The following PPFIA1 variants were observed in gnomAD, a reference collection of about 807,000 sequenced individuals.
PPFIA1 encodes liprin-alpha-1.
In PPFIA1, 25 loss-of-function variants were observed where a neutral mutation model predicts 149.9. The ratio of observed to expected loss-of-function variants is 0.17; its 90% CI spans 0.12 to 0.23. PPFIA1 has a LOEUF of 0.23. Ranked by LOEUF, PPFIA1 falls within the 10% of genes least tolerant of loss-of-function variation. The pLI, the probability that PPFIA1 is intolerant of heterozygous loss-of-function variation, is 1.00. For missense variants in PPFIA1, 1,362 were observed against 1,506.5 expected, an observed-to-expected ratio of 0.90 and a Z score of 1.59; for synonymous variants, 549 against 552.8, an observed-to-expected ratio of 0.99 and a Z score of 0.10.
intron 26 of PPFIA1, among the ~76,000 whole-genome samples, chr11:70,381,633 C>T (rs554986628): frequency 2.6e-5 from 4 of 152,302 alleles, no homozygotes; most frequent in Admixed American, 6.5e-5. Context: ...TTGTACCCGA[C>T]GTCGTTGGCC....
intron 19 of PPFIA1, among the ~76,000 whole-genome samples, chr11:70,358,033 T>C (rs903928813): frequency 2.0e-5 from 3 of 152,216 alleles, no homozygotes; most frequent in Non-Finnish European, 4.4e-5. Flanking sequence ...ATAGTAAGTA[T>C]GAGGAAGTGA....
chr11:70,353,750 T>C (rs1415874409), intron 16 of PPFIA1, among the ~76,000 whole-genome samples: 1 of 152,240 alleles, frequency 6.6e-6, no homozygotes, highest in African/African-American at 2.4e-5. Flanking sequence ...ATATGAGCCA[T>C]ACACATGTGT....
At chr11:70,343,915 C>T (rs2055513174) in intron 15 of PPFIA1, 23 bp downstream of exon 15, 2 of 1,590,946 alleles carry the variant, frequency 1.3e-6, no homozygotes, top group East Asian at 2.3e-5. Flanking sequence ...GTGCATGACA[C>T]TCACCACACG....
intron 4 of PPFIA1, 136 bp downstream of exon 4, chr11:70,325,147 T>C: frequency 2.3e-6 from 2 of 879,654 alleles, no homozygotes; most frequent in Non-Finnish European, 3.3e-6. Flanking sequence ...CAGGGTTTTG[T>C]AGGTTTAAAA....
intron 2 of PPFIA1, among the ~76,000 whole-genome samples, chr11:70,316,034 A>G (rs1445542995): frequency 6.6e-6 from 1 of 151,958 alleles, no homozygotes; most frequent in African/African-American, 2.4e-5. Flanking sequence ...AGGTTCACCC[A>G]TATTGTATTA....
At chr11:70,313,898 G>C (rs2053439104) in intron 2 of PPFIA1, among the ~76,000 whole-genome samples, 1 of 152,130 alleles carries the variant, frequency 6.6e-6, no homozygotes, top group African/African-American at 2.4e-5. Context: ...CATGCCTGTG[G>C]TCCCAGATAC....
intron 2 of PPFIA1, chr11:70,320,206 T>TTC (rs2053854615): frequency 6.6e-6 from 1 of 152,220 alleles, no homozygotes. Flanking sequence ...AAGGTACAAT[T>TTC]TAAGTAGAGA....
intron 2 of PPFIA1, among the ~76,000 whole-genome samples, chr11:70,301,396 T>C (rs1052918709): frequency 1.3e-5 from 2 of 152,178 alleles, no homozygotes; most frequent in Non-Finnish European, 2.9e-5. Context: ...AACATCTGCA[T>C]TGGGCTGCGA....
At position 70,343,901 on chromosome 11, in the gene PPFIA1, A is replaced by T; in HGVS notation, c.1931+9A>T. The stretch of plus-strand genomic sequence containing the variant: ...ATCAACAAAGAGATCAGGTGTGTGC[A>T]ACCGTGCATGACACTCACCACACGC... On this transcript the variant is annotated intron_variant, in intron 15 of 27. Coordinates refer to ENST00000253925, the MANE Select transcript of PPFIA1 (RefSeq NM_003626.5). 1 of 1,609,144 alleles carries T rather than the reference A, an allele frequency of 6.2e-7. No individual in the cohort carries two copies. The highest frequency in any genetic ancestry group is 1.3e-5 in the African/African-American group (1 of 74,958).
rs565988143 is a variant in PPFIA1, at chr11:70,336,186, C to T, written c.1428+492C>T. 9.2e-5 allele frequency among the ~76,000 whole-genome samples: 14 copies of T among 152,256 alleles called. No individual in the cohort carries two copies. In the South Asian group the frequency reaches 2.3e-3, roughly 25 times the overall value. ...GATCATTTTTTGGGCCCAACCCTCA[C>T]CCCTTTATTATTCATGCATTGGAAG... On this transcript the variant is annotated intron_variant, in intron 11 of 27. Transcript: ENST00000253925.
At chr11:70,374,669 C>T (rs2057409768) in intron 23 of PPFIA1, 1 of 423,414 alleles carries the variant, frequency 2.4e-6, no homozygotes, top group Admixed American at 4.6e-5. Flanking sequence ...GAAATAATAA[C>T]TTCATTCCTC....
chr11:70,293,928 T>TTC (rs770715230), intron 2 of PPFIA1, among the ~76,000 whole-genome samples: 5 of 148,016 alleles, frequency 3.4e-5, no homozygotes, highest in African/African-American at 7.6e-5. Flanking sequence ...TCCTGCACAG[T>TTC]TCTCTCTCTC....
At chr11:70,315,678 G>GTTTTTTTTTTT (rs71049904) in intron 2 of PPFIA1, among the ~76,000 whole-genome samples, 115 of 73,012 alleles carry the variant, frequency 1.6e-3, no homozygotes, top group South Asian at 1.8e-3. Context: ...CTTTTTTTCT[G>GTTTTTTTTTTT]TTTTTTTTTT....
intron 24 of PPFIA1, among the ~76,000 whole-genome samples, chr11:70,375,912 C>G (rs775227363): frequency 2.0e-5 from 3 of 151,624 alleles, no homozygotes; most frequent in Non-Finnish European, 2.9e-5. Flanking sequence ...TGCAAAAGCC[C>G]ATCCATTGAC....
At chr11:70,280,557 G>A (rs553196655) in intron 2 of PPFIA1, among the ~76,000 whole-genome samples, 2 of 152,212 alleles carry the variant, frequency 1.3e-5, no homozygotes, top group Admixed American at 6.5e-5. Context: ...TGGCAAGAGC[G>A]AAACTCCGTC....
In PPFIA1 at chr11:70,383,333, T is replaced by C; in HGVS notation, c.*343T>C. ...AAATGAATGTACTGTAATGCTTGTA[T>C]GTATAAATCCTATGAATAGAGGGCT... On this transcript the variant is annotated 3_prime_UTR_variant, in exon 28 of 28. Coordinates refer to ENST00000253925, the MANE Select transcript of PPFIA1 (RefSeq NM_003626.5). The C allele has an allele frequency of 4.6e-6, 1 of 217,062 alleles. No homozygotes were observed. The highest frequency in any genetic ancestry group is 9.1e-6 in the Non-Finnish European group (1 of 110,142). The allele number at this position is 217,062 out of a possible 1,614,324, so 13.4% of individuals were successfully genotyped here. A position where few individuals can be genotyped will look rare whatever the true frequency, so the allele number is the denominator to read the frequency against.
chr11:70,344,758 G>C (rs2055581006), intron 15 of PPFIA1, among the ~76,000 whole-genome samples: 2 of 152,214 alleles, frequency 1.3e-5, no homozygotes, highest in South Asian at 4.1e-4. Context: ...AATAAAACAG[G>C]AAGAATGCCT....
chr11:70,331,023 G>A (rs1219469514), intron 8 of PPFIA1, among the ~76,000 whole-genome samples: 2 of 152,094 alleles, frequency 1.3e-5, no homozygotes, highest in Admixed American at 1.3e-4. Context: ...CATGAGGTCA[G>A]GCATTTGAGA....
chr11:70,282,602 C>CA (rs895147453), intron 2 of PPFIA1, among the ~76,000 whole-genome samples: 4 of 134,892 alleles, frequency 3.0e-5, no homozygotes, highest in Non-Finnish European at 4.6e-5. Flanking sequence ...GATCTCGGCT[C>CA]ACTGCAAGCT....
Sources: allele counts gnomAD v4.1 joint callset (sites outside exome capture counted in the v4.1 genomes callset), GRCh38; gene constraint gnomAD v4.1.1; transcripts MANE v1.5; gene names NCBI Gene and HGNC (gene_info 2026-07-23, HGNC 2026-07-21).